The following PTPRT variants were observed in gnomAD, a reference collection of about 807,000 sequenced individuals.
PTPRT encodes receptor-type tyrosine-protein phosphatase T.
A neutral mutation model predicts 176.8 loss-of-function variants in PTPRT; 56 were observed. The ratio of observed to expected loss-of-function variants is 0.32; its 90% CI spans 0.26 to 0.40. PTPRT has a LOEUF of 0.40. Ranked by LOEUF, PTPRT falls within the 10% of genes least tolerant of loss-of-function variation. PTPRT has a pLI of 1.00. For synonymous variants in PTPRT, 783 were observed against 739.0 expected (o/e 1.06, Z -0.96); for missense variants, 1,540 against 1,908.2 (o/e 0.81, Z 3.60).
rs538148099 is a variant in PTPRT at position 42,097,330 on chromosome 20, C to T, written c.3846+1091G>A. The stretch of plus-strand genomic sequence containing the variant: ...AGCCACACTGGAACATAAACTGTTC[C>T]GCAAATAAGTCTGTGTATATTCATC... On this transcript the variant is annotated intron_variant, in intron 27 of 30. Coordinates refer to ENST00000373187, the MANE Select transcript of PTPRT (RefSeq NM_007050.6). Among the ~76,000 whole-genome samples, 8 of 152,270 alleles carry T rather than the reference C, an allele frequency of 5.3e-5. No individual in the cohort carries two copies. The South Asian group carries it at 1.7e-3, about 32-fold the overall frequency.
intron 1 of PTPRT, among the ~76,000 whole-genome samples, chr20:43,128,875 A>C (rs559059527): frequency 6.6e-6 from 1 of 152,346 alleles, no homozygotes; most frequent in South Asian, 2.1e-4. Context: ...AGATGCCCCA[A>C]GTCATTCTCA....
chr20:42,760,016 G>T (rs564634578), intron 5 of PTPRT, among the ~76,000 whole-genome samples: 1 of 152,202 alleles, frequency 6.6e-6, no homozygotes, highest in Non-Finnish European at 1.5e-5. Flanking sequence ...GCTCCAGCCT[G>T]GTCCCACAAG....
At chr20:42,997,604 T>C (rs1269433544) in intron 1 of PTPRT, among the ~76,000 whole-genome samples, 3 of 152,066 alleles carry the variant, frequency 2.0e-5, no homozygotes, top group Admixed American at 1.3e-4. Flanking sequence ...ATGAGCAAAA[T>C]AAATGATTGT....
chr20:42,688,078 A>C (rs1400635907), intron 6 of PTPRT: 1 of 152,192 alleles, frequency 6.6e-6, no homozygotes, highest in Non-Finnish European at 1.5e-5. Flanking sequence ...CTGGGACCCC[A>C]CTAACAACAT....
At chr20:42,852,636 T>C (rs2078495469) in intron 2 of PTPRT, among the ~76,000 whole-genome samples, 1 of 152,186 alleles carries the variant, frequency 6.6e-6, no homozygotes, top group Non-Finnish European at 1.5e-5. Flanking sequence ...TTGAGGATTT[T>C]TCTCCACTGG....
At chr20:42,104,452 C>G in intron 25 of PTPRT, 117 bp downstream of exon 25, 1 of 1,203,878 alleles carries the variant, frequency 8.3e-7, no homozygotes, top group Non-Finnish European at 1.1e-6. Context: ...CTGGGCTTCT[C>G]AGCCTCCAGA....
chr20:42,177,653 C>T (rs529784308), intron 16 of PTPRT, among the ~76,000 whole-genome samples: 63 of 152,236 alleles, frequency 4.1e-4, no homozygotes, highest in African/African-American at 1.5e-3. Flanking sequence ...ATATAGATTC[C>T]TTTGCTCCAT....
At chr20:42,820,819 T>A (rs1236013978) in intron 2 of PTPRT, among the ~76,000 whole-genome samples, 1 of 152,050 alleles carries the variant, frequency 6.6e-6, no homozygotes, top group Non-Finnish European at 1.5e-5. Context: ...CTAGAAGAAA[T>A]TGATAAATTC....
intron 11 of PTPRT, among the ~76,000 whole-genome samples, chr20:42,343,515 G>C (rs936586995): frequency 9.2e-5 from 14 of 152,162 alleles, no homozygotes; most frequent in African/African-American, 3.1e-4. Context: ...CAATGTAACT[G>C]TCTCCCAAGG....
At chr20:43,108,503 C>T (rs540681694) in intron 1 of PTPRT, among the ~76,000 whole-genome samples, 1 of 152,158 alleles carries the variant, frequency 6.6e-6, no homozygotes, top group South Asian at 2.1e-4. Context: ...ATTGTTAAGT[C>T]ATTATGTTTT....
chr20:42,777,202 C>CT (rs75523786), intron 4 of PTPRT, among the ~76,000 whole-genome samples: 47,007 of 152,084 alleles, frequency 0.31, 8,713 homozygotes, highest in Non-Finnish European at 0.42. Flanking sequence ...CAGAGCCTCC[C>CT]TGCCCTTAGA....
At chr20:42,717,933 A>G (rs888386034) in intron 6 of PTPRT, among the ~76,000 whole-genome samples, 3 of 152,240 alleles carry the variant, frequency 2.0e-5, no homozygotes, top group African/African-American at 7.2e-5. Flanking sequence ...CAATTTCACT[A>G]GTCATCAGAA....
intron 7 of PTPRT, among the ~76,000 whole-genome samples, chr20:42,532,218 T>C (rs2072396467): frequency 6.6e-6 from 1 of 152,116 alleles, no homozygotes; most frequent in Non-Finnish European, 1.5e-5. Context: ...CCCAAGTTCA[T>C]TAGGTTCTTT....
intron 7 of PTPRT, among the ~76,000 whole-genome samples, chr20:42,577,484 G>A (rs540668593): frequency 1.3e-5 from 2 of 152,322 alleles, no homozygotes; most frequent in South Asian, 2.1e-4. Flanking sequence ...AGTGAAACCT[G>A]TTGTTTCTCT....
At chr20:42,177,009 T>G (rs1990322260) in intron 16 of PTPRT, among the ~76,000 whole-genome samples, 1 of 152,192 alleles carries the variant, frequency 6.6e-6, no homozygotes, top group Non-Finnish European at 1.5e-5. Flanking sequence ...AGTTTGGGAG[T>G]TACAAGACCT....
chr20:42,217,317 G>A (rs552039195), intron 15 of PTPRT, among the ~76,000 whole-genome samples: 69 of 151,130 alleles, frequency 4.6e-4, no homozygotes, highest in African/African-American at 1.6e-3. Context: ...GGAGGTTGGA[G>A]TGAGCCGAGA....
intron 15 of PTPRT, among the ~76,000 whole-genome samples, chr20:42,216,231 G>A (rs1488306916): frequency 6.6e-6 from 1 of 151,142 alleles, no homozygotes; most frequent in East Asian, 1.9e-4. Flanking sequence ...ACCTTCAGTT[G>A]CCAACTAGAA....
intron 7 of PTPRT, among the ~76,000 whole-genome samples, chr20:42,549,241 A>T (rs1242311338): frequency 6.6e-6 from 1 of 152,088 alleles, no homozygotes; most frequent in Non-Finnish European, 1.5e-5. Context: ...CAAAGCTTAG[A>T]AGTAATGTGT....
At chr20:42,338,025 C>G (rs2058063981) in intron 11 of PTPRT, among the ~76,000 whole-genome samples, 1 of 152,166 alleles carries the variant, frequency 6.6e-6, no homozygotes, top group Non-Finnish European at 1.5e-5. Flanking sequence ...AGATGACTAC[C>G]TTTTCCATCT....
Sources: allele counts gnomAD v4.1 joint callset (sites outside exome capture counted in the v4.1 genomes callset), GRCh38; gene constraint gnomAD v4.1.1; transcripts MANE v1.5; gene names NCBI Gene and HGNC (gene_info 2026-07-23, HGNC 2026-07-21).